Variants in DPP3 observed in about 807,000 individuals in gnomAD.
The protein encoded by DPP3 is DPP III.
DPP3 carries 64 observed loss-of-function variants against 89.8 expected under a neutral mutation model. The observed-to-expected ratio is 0.71, with a 90% CI of 0.58 to 0.88. The LOEUF (loss-of-function observed/expected upper bound fraction) is 0.88. DPP3 is among the 40% of genes least tolerant of loss of function. The pLI, the probability that DPP3 is intolerant of heterozygous loss-of-function variation, is 0.00. For missense variants in DPP3, 835 were observed against 972.5 expected (o/e 0.86, Z 1.88); for synonymous variants, 377 against 404.3 (o/e 0.93, Z 0.81).
intron 9 of DPP3, among the ~76,000 whole-genome samples, chr11:66,492,053 G>A (rs1000170720): frequency 1.6e-4 from 24 of 152,326 alleles, no homozygotes; most frequent in African/African-American, 4.8e-4. Flanking sequence ...CTATTTTGCT[G>A]TGCTGCCTCT....
chr11:66,492,961 C>A, intron 10 of DPP3, 51 bp downstream of exon 10: 1 of 1,595,830 alleles, frequency 6.3e-7, no homozygotes, highest in Non-Finnish European at 8.6e-7. Flanking sequence ...CCTTTAGAGT[C>A]GCCCCTCCCT....
intron 9 of DPP3, among the ~76,000 whole-genome samples, chr11:66,492,172 A>G (rs1855410414): frequency 6.6e-6 from 1 of 152,160 alleles, no homozygotes; most frequent in African/African-American, 2.4e-5. Context: ...TCTGAGCACC[A>G]ATGTGATTAG....
chr11:66,495,523 C>G (rs367659238), intron 14 of DPP3, 34 bp downstream of exon 14: 16 of 1,609,502 alleles, frequency 9.9e-6, no homozygotes, highest in Non-Finnish European at 1.4e-5. Flanking sequence ...CGGGCTGTCC[C>G]GCTGCAGTGG....
At chr11:66,488,148 C>G in intron 6 of DPP3, 141 bp downstream of exon 6, 1 of 712,790 alleles carries the variant, frequency 1.4e-6, no homozygotes, top group Non-Finnish European at 2.3e-6. Context: ...CTGGGAATGG[C>G]TCTAGTTTCT....
Position 66,495,746 on chromosome 11 carries a change from G to A in DPP3, c.1694G>A (p.Arg565Gln), listed in dbSNP as rs201682442. 1.2e-5 allele frequency: 20 copies of A among 1,606,108 alleles called. No individual in the cohort carries two copies. Among genetic ancestry groups the A allele is most frequent in the Admixed American group, 1.7e-5 (1 of 58,426 alleles). ...EFYTPEAFNW[R>Q]QAHMQARFVI... Reference sequence around the variant, plus strand: ...TACACACCTGAGGCCTTCAACTGGCGACAGGTAGGGCCTAGGTGGAGCCCC... The same window carrying A: ...TACACACCTGAGGCCTTCAACTGGCAACAGGTAGGGCCTAGGTGGAGCCCC... Residue 565 changes from arginine (R) to glutamine (Q), a missense_variant, in exon 15 of 18, where the codon CGA (arginine) becomes CAA (glutamine). Arg to Gln is a conservative substitution (Grantham distance 43). Transcript: ENST00000531863.
chr11:66,491,840 C>T, intron 9 of DPP3, 84 bp downstream of exon 9: 1 of 1,450,168 alleles, frequency 6.9e-7, no homozygotes, highest in Non-Finnish European at 9.7e-7. Context: ...ATGGTTCTCC[C>T]CACCCCCGCT....
At chr11:66,488,995 A>G (rs1855307981) in intron 6 of DPP3, among the ~76,000 whole-genome samples, 1 of 152,162 alleles carries the variant, frequency 6.6e-6, no homozygotes, top group Admixed American at 6.5e-5. Flanking sequence ...CCTCCCCAGT[A>G]GCTGGGATTG....
chr11:66,495,476 C>A lies in DPP3; in HGVS notation c.1564C>A (p.Pro522Thr). Residue 522 changes from proline to threonine, a missense_variant, in exon 14 of 18, where the codon CCG becomes ACG. Physicochemically the swap from Pro to Thr is conservative, Grantham distance 38. Transcript: ENST00000531863. ...CGTGGGTCTCTACCTCTGTCTCCAC[C>A]CGCAAGTGCTGGAGTAAGAGCAGCA... ...ESVGLYLCLH[P>T]QVLEIFGFEG... is the part of the protein sequence containing the mutation. 6.2e-7 allele frequency: 1 copy of A among 1,611,548 alleles called. No homozygotes were observed. Among genetic ancestry groups the A allele is most frequent in the South Asian group, 1.1e-5 (1 of 90,818 alleles).
chr11:66,482,034 C>A, intron 1 of DPP3, 159 bp from the exon 2 acceptor site: 1 of 1,112,038 alleles, frequency 9.0e-7, no homozygotes. Flanking sequence ...GTCATCTCAC[C>A]TTCTCTAAGC....
intron 11 of DPP3, among the ~76,000 whole-genome samples, 167 bp from the exon 12 acceptor site, chr11:66,493,370 CCCTT>C (rs1238483021): frequency 1.3e-5 from 2 of 152,226 alleles, no homozygotes; most frequent in Non-Finnish European, 2.9e-5. Context: ...AGGCATCCCT[CCCTT>C]CCTCCTGGGT....
At chr11:66,506,038 C>T (rs554188014) in intron 17 of DPP3, among the ~76,000 whole-genome samples, 1 of 152,256 alleles carries the variant, frequency 6.6e-6, no homozygotes, top group Admixed American at 6.5e-5. Context: ...CAACCTCCGC[C>T]TCTGGGTTCA....
rs143553859 is a variant in DPP3, at chr11:66,497,419, G to A, written c.1820G>A (p.Arg607His). Residue 607 changes from arginine (R) to histidine (H), a missense_variant, in exon 16 of 18, where the codon CGC becomes CAC. By Grantham distance (29) the Arg-to-His change is conservative. Coordinates refer to ENST00000531863, the MANE Select transcript of DPP3 (RefSeq NM_130443.4). ...GRPDARVRLD[R>H]SKIRSVGKPA... Reference sequence around the variant, plus strand: ...CCAGATGCCCGGGTCCGCCTCGACCGCAGCAAGATCCGGTCTGTGGGCAAG... The same window carrying A: ...CCAGATGCCCGGGTCCGCCTCGACCACAGCAAGATCCGGTCTGTGGGCAAG... 1.3e-4 allele frequency: 213 copies of A among 1,613,924 alleles called. 2 individuals are homozygous for A. In the South Asian group the frequency reaches 2.1e-3, roughly 16 times the overall value.
Position 66,509,450 on chromosome 11 carries a change from A to G in DPP3, c.*199A>G. The G allele has an allele frequency of 6.6e-7, 1 of 1,507,698 alleles. No individual in the cohort carries two copies. 93.4% of individuals were successfully genotyped at this position (1,507,698 alleles called of 1,614,324 possible). ...CCAATTGCTTCCCCTCTGTGATCTCATTTCATCTGCACTGCCATACGTGGA... is the reference window on the plus strand; with the variant it reads ...CCAATTGCTTCCCCTCTGTGATCTCGTTTCATCTGCACTGCCATACGTGGA... On this transcript the variant is annotated 3_prime_UTR_variant, in exon 18 of 18. Transcript: ENST00000531863.
chr11:66,494,495 G>A (rs901169468), intron 12 of DPP3, among the ~76,000 whole-genome samples: 3 of 152,210 alleles, frequency 2.0e-5, no homozygotes, highest in African/African-American at 4.8e-5. Context: ...CACCTTCACC[G>A]AGCCTCAGTT....
chr11:66,502,893 C>T (rs999560660), intron 16 of DPP3, among the ~76,000 whole-genome samples: 4 of 152,080 alleles, frequency 2.6e-5, no homozygotes, highest in Non-Finnish European at 4.4e-5. Flanking sequence ...GCCACCCGCC[C>T]GGCCCGAGTG....
intron 1 of DPP3, chr11:66,481,966 G>A: frequency 1.6e-6 from 1 of 613,420 alleles, no homozygotes; most frequent in Non-Finnish European, 2.8e-6. Context: ...AATCTTTAAG[G>A]TTTAGGGACT....
At chr11:66,498,189 G>A (rs1428710883) in intron 16 of DPP3, among the ~76,000 whole-genome samples, 1 of 152,082 alleles carries the variant, frequency 6.6e-6, no homozygotes, top group Non-Finnish European at 1.5e-5. Context: ...CGCCTCCTGG[G>A]TTCACACCAT....
chr11:66,495,563 T>A, intron 14 of DPP3, 67 bp from the exon 15 acceptor site: 1 of 1,612,678 alleles, frequency 6.2e-7, no homozygotes, highest in Non-Finnish European at 8.5e-7. Context: ...GGGTGGGTGG[T>A]AGTGGCCAGT....
chr11:66,495,191 C>T lies in DPP3; in HGVS notation c.1390-15C>T, dbSNP rs772104048. ...GTTGGGGGCGCCTTTCCCTCACCCA[C>T]CGTGTGTTCTGCAGGACGAAAAAGG... On this transcript the variant is annotated splice_polypyrimidine_tract_variant and intron_variant, in intron 12 of 17. Coordinates refer to ENST00000531863, the MANE Select transcript of DPP3 (RefSeq NM_130443.4). The T allele has an allele frequency of 4.3e-6, 7 of 1,612,110 alleles. No individual in the cohort carries two copies. The East Asian group carries it at 1.3e-4, about 31-fold the overall frequency.
Sources: allele counts gnomAD v4.1 joint callset (sites outside exome capture counted in the v4.1 genomes callset), GRCh38; gene constraint gnomAD v4.1.1; transcripts MANE v1.5; gene names NCBI Gene and HGNC (gene_info 2026-07-23, HGNC 2026-07-21).